The following AK3 variants were observed in gnomAD, a reference collection of about 807,000 sequenced individuals.
AK3 encodes the protein adenylate kinase 3.
AK3 carries 27 observed loss-of-function variants against 23.7 expected under a neutral mutation model. That is an observed-to-expected ratio of 1.14 (90% CI 0.84 to 1.57). The LOEUF (loss-of-function observed/expected upper bound fraction) is 1.57. Among genes scored for constraint, AK3 ranks in the 40% most tolerant of loss-of-function variants. The probability of loss-of-function intolerance (pLI) is 0.00; values close to 1 mark genes in which losing one functional copy is unlikely to be tolerated. For missense variants in AK3, 406 were observed against 285.6 expected (o/e 1.42, Z -3.04); for synonymous variants, 159 against 116.0 (o/e 1.37, Z -2.38).
chr9:4,715,334 G>A (rs1347539060), intron 4 of AK3, among the ~76,000 whole-genome samples: 1 of 150,280 alleles, frequency 6.7e-6, no homozygotes, highest in Non-Finnish European at 1.5e-5. Flanking sequence ...TATCTCCTAA[G>A]ACAGGGGCCC....
In AK3 at chr9:4,709,733, TTAACCA is replaced by T. The variant is rs1219577916; in HGVS notation, c.*3237_*3242del. ...ACTATTTTAACTGTTTAAAAATTTT[TTAACCA>T]TAACTTCCAAGATGAAAATCTTTAA... is the stretch of plus-strand genomic sequence containing the variant. On this transcript the variant is annotated 3_prime_UTR_variant, in exon 5 of 5. Coordinates refer to ENST00000381809, the MANE Select transcript of AK3 (RefSeq NM_016282.4). The T allele has an allele frequency of 6.6e-6, 1 of 152,246 alleles. No homozygotes were observed. The highest frequency in any genetic ancestry group is 1.5e-5 in the Non-Finnish European group (1 of 68,034). 9.4% of individuals were successfully genotyped at this position (152,246 alleles called of 1,614,324 possible).
intron 1 of AK3, among the ~76,000 whole-genome samples, chr9:4,737,634 G>T (rs1220757475): frequency 6.6e-6 from 1 of 152,124 alleles, no homozygotes; most frequent in Non-Finnish European, 1.5e-5. Flanking sequence ...CAGGAGAATC[G>T]CTTGAACCCA....
chr9:4,714,706 C>T (rs530895811), intron 4 of AK3, among the ~76,000 whole-genome samples: 1 of 152,174 alleles, frequency 6.6e-6, no homozygotes, highest in Admixed American at 6.5e-5. Flanking sequence ...CCAGCTTCAA[C>T]AATTGGTCCT....
Position 4,735,428 on chromosome 9 carries a change from T to TATATATATACATATATAA in AK3, c.151+5491_151+5508dup, listed in dbSNP as rs1563798571. On this transcript the variant is annotated intron_variant, in intron 1 of 4. Transcript: ENST00000381809. ...ATATAAATATATATACATATATAAA[T>TATATATATACATATATAA]ATATATATACATATATAAATATATA... 3.7e-5 allele frequency among the ~76,000 whole-genome samples: 4 copies of TATATATATACATATATAA among 107,750 alleles called. 1 individual carries two copies. Among genetic ancestry groups the TATATATATACATATATAA allele is most frequent in the Admixed American group, 1.1e-4 (1 of 9,506 alleles). 70.7% of individuals were successfully genotyped at this position (107,750 alleles called of 152,430 possible).
At chr9:4,715,463 T>C (rs919260741) in intron 4 of AK3, among the ~76,000 whole-genome samples, 1 of 148,642 alleles carries the variant, frequency 6.7e-6, no homozygotes, top group Non-Finnish European at 1.5e-5. Flanking sequence ...GGAGCAATCA[T>C]AGATCACTGC....
upstream of AK3, among the ~76,000 whole-genome samples, chr9:4,741,559 T>C (rs939872007): frequency 6.6e-6 from 1 of 151,038 alleles, no homozygotes; most frequent in Non-Finnish European, 1.5e-5. Context: ...CCCAGCCGGA[T>C]AGACCGCGCT....
intron 4 of AK3, 101 bp from the exon 5 acceptor site, chr9:4,713,197 A>T (rs1841610396): frequency 9.1e-6 from 13 of 1,427,278 alleles, no homozygotes; most frequent in Non-Finnish European, 1.2e-5. Flanking sequence ...TAGATATAGG[A>T]GTCTTGGTAA....
chr9:4,726,927 T>G (rs888933618), intron 1 of AK3, among the ~76,000 whole-genome samples: 9 of 152,102 alleles, frequency 5.9e-5, no homozygotes, highest in African/African-American at 2.2e-4. Context: ...TCAGCAGGCA[T>G]GAAAACAACA....
rs1365432219 is a variant in AK3 at position 4,719,445 on chromosome 9, G to T, written c.272-138C>A. On this transcript the variant is annotated intron_variant, in intron 2 of 4. Coordinates refer to ENST00000381809, the MANE Select transcript of AK3 (RefSeq NM_016282.4). ...GAACAAAAGGAATGAGGCTCACCAGGCAGGCCGATCACAGCTGCGGTGCAA... is the reference window on the plus strand; with the variant it reads ...GAACAAAAGGAATGAGGCTCACCAGTCAGGCCGATCACAGCTGCGGTGCAA... 35 of 797,210 alleles carry T rather than the reference G, an allele frequency of 4.4e-5. No homozygotes were observed. In the South Asian group the frequency reaches 5.9e-4, roughly 14 times the overall value. The allele number at this position is 797,210 out of a possible 1,614,324, so 49.4% of individuals were successfully genotyped here.
intron 1 of AK3, among the ~76,000 whole-genome samples, chr9:4,738,455 C>T (rs1842347506): frequency 6.6e-6 from 1 of 152,114 alleles, no homozygotes; most frequent in Admixed American, 6.5e-5. Context: ...CGTGAGACAC[C>T]CCGCCCAGCT....
At chr9:4,715,575 G>A (rs1267858677) in intron 4 of AK3, among the ~76,000 whole-genome samples, 1 of 151,424 alleles carries the variant, frequency 6.6e-6, no homozygotes, top group East Asian at 1.9e-4. Flanking sequence ...TTTTTTTTAT[G>A]TTTTGTAGAG....
At chr9:4,725,005 C>T (rs1841989308) in intron 1 of AK3, among the ~76,000 whole-genome samples, 1 of 147,312 alleles carries the variant, frequency 6.8e-6, no homozygotes, top group Non-Finnish European at 1.5e-5. Flanking sequence ...AATGTAAGTG[C>T]TAAAGCTACT....
In AK3 at chr9:4,741,195, CG is replaced by C; in HGVS notation, c.-109del. On this transcript the variant is annotated 5_prime_UTR_variant, in exon 1 of 5. Coordinates refer to ENST00000381809, the MANE Select transcript of AK3 (RefSeq NM_016282.4). ...GCCGGCTAGCAGCGCCACTAGCAGGCGGCTACTGCGGTTCCCCGGCGTTCCC... is the reference window on the plus strand; with the variant it reads ...GCCGGCTAGCAGCGCCACTAGCAGGCGCTACTGCGGTTCCCCGGCGTTCCC... 2 of 1,207,750 alleles carry C rather than the reference CG, an allele frequency of 1.7e-6. No individual in the cohort carries two copies. The highest frequency in any genetic ancestry group is 2.1e-6 in the Non-Finnish European group (2 of 936,728). The allele number at this position is 1,207,750 out of a possible 1,614,324, so 74.8% of individuals were successfully genotyped here.
intron 1 of AK3, among the ~76,000 whole-genome samples, chr9:4,737,196 T>G (rs1261346656): frequency 6.7e-6 from 1 of 149,850 alleles, no homozygotes; most frequent in Non-Finnish European, 1.5e-5. Flanking sequence ...TAGCTATAAT[T>G]TTCATGAAAT....
At position 4,735,356 on chromosome 9, in the gene AK3, T is replaced by TATATATACATATATAA. The variant is rs1842255909; in HGVS notation, c.151+5565_151+5580dup. Among the ~76,000 whole-genome samples the TATATATACATATATAA allele has an allele frequency of 2.8e-5, 3 of 107,606 alleles. 1 individual carries two copies. The highest frequency in any genetic ancestry group is 1.1e-4 in the Admixed American group (1 of 8,848). 70.6% of individuals were successfully genotyped at this position (107,606 alleles called of 152,430 possible). ...AAATATATATATACATATATAAATA[T>TATATATACATATATAA]ATATATACATATATAAATATATATA... On this transcript the variant is annotated intron_variant, in intron 1 of 4. Coordinates refer to ENST00000381809, the MANE Select transcript of AK3 (RefSeq NM_016282.4).
rs1563780974 is a variant in AK3 at position 4,713,996 on chromosome 9, G to GCCTACACATATACA, written c.564-914_564-901dup. On this transcript the variant is annotated intron_variant, in intron 4 of 4. Coordinates refer to ENST00000381809, the MANE Select transcript of AK3 (RefSeq NM_016282.4). ...CACATTTACACACCTACACATATACGCCTACACATATACACCTACACATAT... is the reference window on the plus strand; with the variant it reads ...CACATTTACACACCTACACATATACGCCTACACATATACACCTACACATATACACCTACACATAT... 4.6e-4 allele frequency among the ~76,000 whole-genome samples: 5 copies of GCCTACACATATACA among 10,790 alleles called. 1 individual carries two copies. Among genetic ancestry groups the GCCTACACATATACA allele is most frequent in the East Asian group, 0.01 (2 of 198 alleles). The allele number at this position is 10,790 out of a possible 152,430, so 7.1% of individuals were successfully genotyped here.
upstream of AK3, among the ~76,000 whole-genome samples, chr9:4,741,480 T>G (rs1587666831): frequency 7.9e-6 from 1 of 127,218 alleles, no homozygotes; most frequent in Admixed American, 7.8e-5. Context: ...CCACGCGCCC[T>G]CCACTCGGCT....
chr9:4,734,081 G>C (rs1363746231), intron 1 of AK3, among the ~76,000 whole-genome samples: 1 of 152,154 alleles, frequency 6.6e-6, no homozygotes, highest in East Asian at 1.9e-4. Context: ...TTTGGAAATA[G>C]GGCTTTAAAG....
intron 4 of AK3, among the ~76,000 whole-genome samples, chr9:4,715,181 T>C (rs1371527317): frequency 1.6e-5 from 2 of 126,854 alleles, no homozygotes; most frequent in Non-Finnish European, 3.1e-5. Flanking sequence ...ATGGCACCAC[T>C]GCACTCCAAC....
Sources: allele counts gnomAD v4.1 joint callset (sites outside exome capture counted in the v4.1 genomes callset), GRCh38; gene constraint gnomAD v4.1.1; transcripts MANE v1.5; gene names NCBI Gene and HGNC (gene_info 2026-07-23, HGNC 2026-07-21).